The following CNTN4 variants were observed in gnomAD, a reference collection of about 807,000 sequenced individuals.
CNTN4 encodes the protein contactin 4.
A neutral mutation model predicts 122.5 loss-of-function variants in CNTN4; 77 were observed. The ratio of observed to expected loss-of-function variants is 0.63; its 90% CI spans 0.52 to 0.76. CNTN4 has a LOEUF of 0.76. CNTN4 is among the 30% of genes least tolerant of loss of function. The pLI is 0.00. For synonymous variants in CNTN4, 512 were observed against 447.0 expected (o/e 1.15, Z -1.83); for missense variants, 1,256 against 1,259.1 (o/e 1.00, Z 0.04).
chr3:2,589,426 A>T (rs1400467253), intron 4 of CNTN4, among the ~76,000 whole-genome samples: 1 of 152,190 alleles, frequency 6.6e-6, no homozygotes, highest in East Asian at 1.9e-4. Context: ...CTATTACCAT[A>T]ATAAGCCCAG....
At chr3:2,489,919 C>T (rs536711268) in intron 3 of CNTN4, among the ~76,000 whole-genome samples, 4 of 152,074 alleles carry the variant, frequency 2.6e-5, no homozygotes, top group African/African-American at 4.8e-5. Flanking sequence ...ATGTATGTCT[C>T]GTATAAAACA....
intron 10 of CNTN4, among the ~76,000 whole-genome samples, chr3:2,893,166 T>G (rs1401654041): frequency 6.6e-6 from 1 of 152,212 alleles, no homozygotes; most frequent in Non-Finnish European, 1.5e-5. Context: ...TCAAATTACA[T>G]GTAAGACTAA....
chr3:2,268,443 C>T (rs2041141922), intron 2 of CNTN4, among the ~76,000 whole-genome samples: 1 of 151,862 alleles, frequency 6.6e-6, no homozygotes, highest in African/African-American at 2.4e-5. Context: ...GATGTTATAC[C>T]CCAGTTACTG....
intron 4 of CNTN4, among the ~76,000 whole-genome samples, chr3:2,620,081 A>G (rs1387610254): frequency 6.6e-6 from 1 of 152,204 alleles, no homozygotes; most frequent in African/African-American, 2.4e-5. Flanking sequence ...CCAGTCATTC[A>G]TTTGATTATA....
At chr3:2,931,343 C>G (rs975874636) in intron 13 of CNTN4, among the ~76,000 whole-genome samples, 1 of 148,794 alleles carries the variant, frequency 6.7e-6, no homozygotes, top group South Asian at 2.1e-4. Context: ...TCTTTAGGAA[C>G]TGACGAATGG....
rs570133775 is a variant in CNTN4, at chr3:2,904,082, C to G, written c.1207+1077C>G. Reference sequence around the variant, plus strand: ...TCCTGTAGAAAAATTTTGAATTTGTCTATTATTATAAAAGAAGAGATGATA... The same window carrying G: ...TCCTGTAGAAAAATTTTGAATTTGTGTATTATTATAAAAGAAGAGATGATA... On this transcript the variant is annotated intron_variant, in intron 12 of 24. Coordinates refer to ENST00000418658, the MANE Select transcript of CNTN4 (RefSeq NM_175607.3). Among the ~76,000 whole-genome samples the G allele has an allele frequency of 6.6e-5, 10 of 152,000 alleles. No homozygotes were observed. The East Asian group carries it at 1.9e-3, about 29-fold the overall frequency.
At chr3:2,303,021 C>T (rs938089209) in intron 2 of CNTN4, among the ~76,000 whole-genome samples, 2 of 152,080 alleles carry the variant, frequency 1.3e-5, no homozygotes, top group African/African-American at 4.8e-5. Context: ...GAGACATTGT[C>T]CTTCACAGTT....
intron 13 of CNTN4, among the ~76,000 whole-genome samples, chr3:2,973,254 C>T (rs994253204): frequency 6.6e-6 from 1 of 151,964 alleles, no homozygotes. Flanking sequence ...CAAAACAGAT[C>T]TGAAGGTACA....
intron 3 of CNTN4, among the ~76,000 whole-genome samples, chr3:2,536,281 T>C (rs976242324): frequency 6.6e-6 from 1 of 152,200 alleles, no homozygotes; most frequent in Admixed American, 6.5e-5. Context: ...TTTACTCAAA[T>C]GCATTCTTTC....
chr3:2,106,397 C>G (rs977844181), intron 2 of CNTN4, among the ~76,000 whole-genome samples: 7 of 152,200 alleles, frequency 4.6e-5, no homozygotes, highest in African/African-American at 1.4e-4. Flanking sequence ...GACATCCAGG[C>G]ATTTCCGTAC....
intron 13 of CNTN4, among the ~76,000 whole-genome samples, 191 bp from the exon 14 acceptor site, chr3:2,988,154 C>A (rs17596088): frequency 6.6e-6 from 1 of 152,108 alleles, no homozygotes; most frequent in Non-Finnish European, 1.5e-5. Flanking sequence ...AAACACTAAA[C>A]AAGTCACATG....
At chr3:2,302,889 T>A (rs186380492) in intron 2 of CNTN4, among the ~76,000 whole-genome samples, 57 of 152,326 alleles carry the variant, frequency 3.7e-4, no homozygotes, top group Admixed American at 1.9e-3. Flanking sequence ...TGAATAAATA[T>A]GTGAATGAAA....
At chr3:2,350,815 G>T (rs2044582672) in intron 3 of CNTN4, among the ~76,000 whole-genome samples, 1 of 152,110 alleles carries the variant, frequency 6.6e-6, no homozygotes, top group Non-Finnish European at 1.5e-5. Flanking sequence ...AAAGGAAAAT[G>T]GGGAGCAAAG....
At position 2,679,357 on chromosome 3, in the gene CNTN4, G is replaced by A. The variant is rs566362691; in HGVS notation, c.56-56858G>A. Among the ~76,000 whole-genome samples, 25 of 152,196 alleles carry A rather than the reference G, an allele frequency of 1.6e-4. No individual in the cohort carries two copies. In the South Asian group the frequency reaches 2.3e-3, roughly 14 times the overall value. On this transcript the variant is annotated intron_variant, in intron 4 of 24. Transcript: ENST00000418658. ...ATTTGTGTCTGGTATGTGGCAGCTCGTACTGAATAGGGCAGAGACTCAGCC... is the reference window on the plus strand; with the variant it reads ...ATTTGTGTCTGGTATGTGGCAGCTCATACTGAATAGGGCAGAGACTCAGCC...
At chr3:2,641,378 G>T (rs931209657) in intron 4 of CNTN4, among the ~76,000 whole-genome samples, 4 of 152,134 alleles carry the variant, frequency 2.6e-5, no homozygotes, top group African/African-American at 7.2e-5. Context: ...GTGAAAGCAG[G>T]AAACACTTAA....
chr3:2,664,098 T>C (rs2084033248), intron 4 of CNTN4, among the ~76,000 whole-genome samples: 1 of 152,222 alleles, frequency 6.6e-6, no homozygotes, highest in African/African-American at 2.4e-5. Context: ...TGATGATGGC[T>C]ATACAACTTT....
At chr3:2,362,557 C>T (rs1020700831) in intron 3 of CNTN4, 53 of 603,986 alleles carry the variant, frequency 8.8e-5, no homozygotes, top group Non-Finnish European at 1.6e-4. Flanking sequence ...TCGGATTAAC[C>T]AGGCTGAAGA....
chr3:2,371,357 A>G (rs569392842), intron 3 of CNTN4, among the ~76,000 whole-genome samples: 61 of 152,240 alleles, frequency 4.0e-4, no homozygotes, highest in South Asian at 2.9e-3. Context: ...TCACCTTTCA[A>G]TACAATTTAC....
chr3:2,741,788 C>A (rs1373227682), intron 5 of CNTN4, among the ~76,000 whole-genome samples: 2 of 152,120 alleles, frequency 1.3e-5, no homozygotes, highest in Middle Eastern at 3.2e-3. Context: ...TTGTTTTCCC[C>A]CAAACTGTGA....
Sources: allele counts gnomAD v4.1 joint callset (sites outside exome capture counted in the v4.1 genomes callset), GRCh38; gene constraint gnomAD v4.1.1; transcripts MANE v1.5; gene names NCBI Gene and HGNC (gene_info 2026-07-23, HGNC 2026-07-21).